Variants in C9orf153 observed in about 807,000 individuals in gnomAD.
C9orf153 encodes the protein uncharacterized protein C9orf153.
In C9orf153, 10 loss-of-function variants were observed where a neutral mutation model predicts 9.0. That is an observed-to-expected ratio of 1.11 (90% CI 0.69 to 1.89). The LOEUF (loss-of-function observed/expected upper bound fraction) is 1.89. Among genes scored for constraint, C9orf153 ranks in the 40% most tolerant of loss-of-function variants. The pLI, the probability that C9orf153 is intolerant of heterozygous loss-of-function variation, is 0.00. For missense variants in C9orf153, 108 were observed against 111.0 expected (o/e 0.97, Z 0.12); for synonymous variants, 35 against 37.3 (o/e 0.94, Z 0.23).
chr9:86,245,981 C>T (rs1256439301), intron 1 of C9orf153, among the ~76,000 whole-genome samples: 1 of 152,156 alleles, frequency 6.6e-6, no homozygotes, highest in Admixed American at 6.5e-5. Context: ...GCTTTCTTTC[C>T]ACCTTATTTC....
chr9:86,238,197 A>G (rs1457737506), intron 1 of C9orf153, among the ~76,000 whole-genome samples: 1 of 152,196 alleles, frequency 6.6e-6, no homozygotes, highest in Non-Finnish European at 1.5e-5. Context: ...GGAGACTTTA[A>G]TACCCCTCTA....
At chr9:86,237,812 C>T (rs544824608) in intron 1 of C9orf153, among the ~76,000 whole-genome samples, 1 of 152,272 alleles carries the variant, frequency 6.6e-6, no homozygotes, top group African/African-American at 2.4e-5. Context: ...GGCATGGTGG[C>T]TCATGCCTGT....
chr9:86,253,573 C>G lies in C9orf153; in HGVS notation c.-27+5977G>C, dbSNP rs117491116. On this transcript the variant is annotated intron_variant, in intron 1 of 3. Coordinates refer to ENST00000339137, the MANE Select transcript of C9orf153 (RefSeq NM_001276366.4). ...TAAAAGAGCCCATATAACCAACCAA[C>G]CAATCATTATTCTTGCTACACTTTT... 1.2e-3 allele frequency among the ~76,000 whole-genome samples: 186 copies of G among 152,322 alleles called. 4 individuals carry two copies. The East Asian group carries it at 0.025, about 21-fold the overall frequency.
rs1255469425 is a variant in C9orf153, at chr9:86,227,976, T to G, written c.121A>C (p.Asn41His). The G allele has an allele frequency of 2.5e-6, 4 of 1,613,562 alleles. No individual in the cohort carries two copies. Among genetic ancestry groups the G allele is most frequent in the Non-Finnish European group, 3.4e-6 (4 of 1,179,704 alleles). The change falls in exon 3 of 4, where the codon AAT (asparagine) becomes CAT (histidine). Residue 41 changes from asparagine to histidine, a missense_variant. Transcript: ENST00000339137. ...GAAATACCATGCATTTTTAGAAGAT[T>G]TGATTTCTTGCTCTCCTTATTAAAA... ...ENFNKESKKS[N>H]LLKMHGISLN...
chr9:86,243,491 G>A (rs1824794331), intron 1 of C9orf153, among the ~76,000 whole-genome samples: 1 of 135,254 alleles, frequency 7.4e-6, no homozygotes, highest in African/African-American at 2.9e-5. Flanking sequence ...TTGAGATGGA[G>A]TTTCACTCTT....
intron 1 of C9orf153, among the ~76,000 whole-genome samples, chr9:86,243,633 G>A (rs887365296): frequency 2.0e-5 from 3 of 151,998 alleles, no homozygotes; most frequent in African/African-American, 7.2e-5. Flanking sequence ...CATCTAACAG[G>A]TGACAAAACT....
At chr9:86,233,993 G>C (rs998651304) in intron 1 of C9orf153, among the ~76,000 whole-genome samples, 6 of 152,056 alleles carry the variant, frequency 3.9e-5, no homozygotes, top group African/African-American at 1.4e-4. Context: ...TGAGGCGGGA[G>C]AATCGCTTGA....
At position 86,243,469 on chromosome 9, in the gene C9orf153, C is replaced by CT. The variant is rs11297338; in HGVS notation, c.-26-13841dup. On this transcript the variant is annotated intron_variant, in intron 1 of 3. Coordinates refer to ENST00000339137, the MANE Select transcript of C9orf153 (RefSeq NM_001276366.4). Reference sequence around the variant, plus strand: ...TTTTTTTTTTTCTTTTTCTTTTCTTCTTTTTTTTTTTTTGAGATGGAGTTT... The same window carrying CT: ...TTTTTTTTTTTCTTTTTCTTTTCTTCTTTTTTTTTTTTTTGAGATGGAGTTT... 5.9e-4 allele frequency among the ~76,000 whole-genome samples: 79 copies of CT among 134,724 alleles called. 1 individual carries two copies. Among genetic ancestry groups the CT allele is most frequent in the Admixed American group, 1.1e-3 (15 of 13,360 alleles). The allele number at this position is 134,724 out of a possible 152,430, so 88.4% of individuals were successfully genotyped here.
intron 1 of C9orf153, among the ~76,000 whole-genome samples, chr9:86,244,870 T>G (rs1292153958): frequency 6.6e-6 from 1 of 152,252 alleles, no homozygotes; most frequent in Non-Finnish European, 1.5e-5. Context: ...TTGTCATTTC[T>G]GCATGTGTTT....
In C9orf153 at chr9:86,236,956, A is replaced by C. The variant is rs530748015; in HGVS notation, c.-26-7327T>G. Among the ~76,000 whole-genome samples, 1,075 of 150,812 alleles carry C rather than the reference A, an allele frequency of 7.1e-3. 15 individuals carry two copies. The highest frequency in any genetic ancestry group is 0.024 in the African/African-American group (991 of 40,834). On this transcript the variant is annotated intron_variant, in intron 1 of 3. Coordinates refer to ENST00000339137, the MANE Select transcript of C9orf153 (RefSeq NM_001276366.4). ...TCTCTAAATAAAAAAAAAAAAAAAA[A>C]CAAAATATAATGGCAAGAATGTATT...
At chr9:86,222,729 G>A (rs568329490) in intron 3 of C9orf153, among the ~76,000 whole-genome samples, 4 of 152,232 alleles carry the variant, frequency 2.6e-5, no homozygotes, top group East Asian at 1.9e-4. Flanking sequence ...AAAGGCATGG[G>A]TTGGAGTGTA....
chr9:86,256,872 A>G (rs1324316601), intron 1 of C9orf153, among the ~76,000 whole-genome samples: 2 of 152,134 alleles, frequency 1.3e-5, no homozygotes, highest in African/African-American at 2.4e-5. Flanking sequence ...AGCTTATACT[A>G]TTTTGAGTGA....
chr9:86,255,554 A>G (rs960355961), intron 1 of C9orf153, among the ~76,000 whole-genome samples: 1 of 152,080 alleles, frequency 6.6e-6, no homozygotes, highest in African/African-American at 2.4e-5. Flanking sequence ...TAGCAAGACC[A>G]CCTTTGCTAG....
At chr9:86,245,631 C>T (rs1313984653) in intron 1 of C9orf153, among the ~76,000 whole-genome samples, 4 of 152,194 alleles carry the variant, frequency 2.6e-5, no homozygotes, top group South Asian at 2.1e-4. Flanking sequence ...TGTGGGGAGG[C>T]GATTGAGTAG....
chr9:86,224,320 G>C (rs1415919175), intron 3 of C9orf153, among the ~76,000 whole-genome samples: 1 of 152,056 alleles, frequency 6.6e-6, no homozygotes, highest in African/African-American at 2.4e-5. Context: ...CCAGAAGGTT[G>C]AGGCTGCAGT....
rs114589743 is a variant in C9orf153, at chr9:86,247,693, G to T, written c.-27+11857C>A. ...AGACCCTTTCTAAATAAATAAATAA[G>T]AAGAAGATTTAAAAAGAGCTATTTT... On this transcript the variant is annotated intron_variant, in intron 1 of 3. Coordinates refer to ENST00000339137, the MANE Select transcript of C9orf153 (RefSeq NM_001276366.4). Among the ~76,000 whole-genome samples, 393 of 152,148 alleles carry T rather than the reference G, an allele frequency of 2.6e-3. 2 individuals are homozygous for T. The highest frequency in any genetic ancestry group is 8.8e-3 in the African/African-American group (366 of 41,534).
At chr9:86,256,689 C>T (rs1258910691) in intron 1 of C9orf153, among the ~76,000 whole-genome samples, 1 of 152,200 alleles carries the variant, frequency 6.6e-6, no homozygotes, top group Admixed American at 6.5e-5. Flanking sequence ...CTCATTAACC[C>T]TATGCCCAGG....
chr9:86,254,597 TATAG>T (rs1392597271), intron 1 of C9orf153, among the ~76,000 whole-genome samples: 5 of 152,242 alleles, frequency 3.3e-5, no homozygotes, highest in South Asian at 2.1e-4. Context: ...ACAGCTAGTT[TATAG>T]ATAGACCACT....
intron 3 of C9orf153, among the ~76,000 whole-genome samples, chr9:86,226,920 A>T (rs1353143469): frequency 6.6e-6 from 1 of 151,926 alleles, no homozygotes; most frequent in Non-Finnish European, 1.5e-5. Context: ...ACCCACCACC[A>T]CGCCCAGCTA....
Sources: gnomAD v4.1 joint callset for allele counts (sites outside exome capture counted in the v4.1 genomes callset) on GRCh38, gnomAD v4.1.1 for gene constraint, MANE v1.5 for transcripts, NCBI Gene and HGNC (gene_info 2026-07-23, HGNC 2026-07-21) for gene names.